KNDC1: variants seen among roughly 807,000 people sequenced by gnomAD.
KNDC1 encodes the protein kinase non-catalytic C-lobe domain-containing protein 1.
In KNDC1, 106 loss-of-function variants were observed where a neutral mutation model predicts 172.8. That is an observed-to-expected ratio of 0.61 (90% CI 0.52 to 0.72). The LOEUF is 0.72. Ranked by LOEUF, KNDC1 falls within the 30% of genes least tolerant of loss-of-function variation. KNDC1 has a pLI of 0.00. For synonymous variants in KNDC1, 1,083 were observed against 1,062.2 expected (o/e 1.02, Z -0.38); for missense variants, 2,325 against 2,394.5 (o/e 0.97, Z 0.61).
rs752807025 is a variant in KNDC1, at chr10:133,198,320, GCC to G, written c.1907-13_1907-12del. 1.4e-5 allele frequency: 21 copies of G among 1,551,350 alleles called. No individual in the cohort carries two copies. Among genetic ancestry groups the G allele is most frequent in the Non-Finnish European group, 1.8e-5 (21 of 1,149,362 alleles). ...GCCACTCCGCCCGCCCACACCCTCAGCCCCCTGGCTCCCCAGGCTTCCTGCCG... is the reference window on the plus strand; with the variant it reads ...GCCACTCCGCCCGCCCACACCCTCAGCCCTGGCTCCCCAGGCTTCCTGCCG... On this transcript the variant is annotated splice_polypyrimidine_tract_variant and intron_variant, in intron 12 of 29. Coordinates refer to ENST00000304613, the MANE Select transcript of KNDC1 (RefSeq NM_152643.8).
At chr10:133,165,516 A>G (rs1282831989) in intron 1 of KNDC1, among the ~76,000 whole-genome samples, 1 of 151,676 alleles carries the variant, frequency 6.6e-6, no homozygotes, top group Non-Finnish European at 1.5e-5. Flanking sequence ...CCTCATGCTG[A>G]CTCCCTTCCT....
chr10:133,212,512 C>T (rs1845389716), intron 23 of KNDC1, among the ~76,000 whole-genome samples: 1 of 152,236 alleles, frequency 6.6e-6, no homozygotes, highest in Non-Finnish European at 1.5e-5. Context: ...GCCCGTGGGG[C>T]ACCTGCTGAA....
At position 133,215,598 on chromosome 10, in the gene KNDC1, C is replaced by T. The variant is rs563972826; in HGVS notation, c.4677+1476C>T. ...TAAACCAGAGCCTTCACGCACGGCC[C>T]GTGTGGCCAGGCTTCATGAGGATGA... is the stretch of plus-strand genomic sequence containing the variant. On this transcript the variant is annotated intron_variant, in intron 26 of 29. Coordinates refer to ENST00000304613, the MANE Select transcript of KNDC1 (RefSeq NM_152643.8). 1.7e-4 allele frequency among the ~76,000 whole-genome samples: 26 copies of T among 152,378 alleles called. No homozygotes were observed. In the South Asian group the frequency reaches 4.3e-3, roughly 25 times the overall value.
intron 17 of KNDC1, chr10:133,202,777 T>C (rs1427418481): frequency 5.0e-6 from 2 of 400,626 alleles, no homozygotes; most frequent in African/African-American, 4.2e-5. Flanking sequence ...TGTGAAGCCT[T>C]CACTTCATTT....
intron 3 of KNDC1, among the ~76,000 whole-genome samples, chr10:133,181,691 T>C (rs1360201197): frequency 1.3e-5 from 2 of 152,092 alleles, no homozygotes; most frequent in East Asian, 3.9e-4. Context: ...GGAAGGAGAT[T>C]CACGCCATGA....
intron 20 of KNDC1, among the ~76,000 whole-genome samples, chr10:133,210,251 A>G (rs2136019107): frequency 6.7e-6 from 1 of 150,048 alleles, no homozygotes; most frequent in East Asian, 2.0e-4. Context: ...CGGGCATGGT[A>G]GGCGCCTGTA....
intron 3 of KNDC1, among the ~76,000 whole-genome samples, chr10:133,176,581 C>A (rs1313849481): frequency 6.6e-6 from 1 of 152,182 alleles, no homozygotes; most frequent in Non-Finnish European, 1.5e-5. Flanking sequence ...TTTGCCTCCA[C>A]ATCTTTGCCC....
intron 26 of KNDC1, 118 bp from the exon 27 acceptor site, chr10:133,218,713 C>T: frequency 7.5e-7 from 1 of 1,331,510 alleles, no homozygotes; most frequent in Non-Finnish European, 1.0e-6. Flanking sequence ...CCTTTCCACA[C>T]ACGTGATGCA....
At chr10:133,195,614 A>C (rs750579420) in intron 9 of KNDC1, 49 bp from the exon 10 acceptor site, 79 of 1,460,508 alleles carry the variant, frequency 5.4e-5, no homozygotes, top group Middle Eastern at 1.8e-4. Context: ...TGCTGGGCAC[A>C]GCAGCCCACA....
At chr10:133,195,048 G>A (rs115220230) in intron 9 of KNDC1, among the ~76,000 whole-genome samples, 1,907 of 152,314 alleles carry the variant, frequency 0.013, 50 homozygotes, top group African/African-American at 0.043. Context: ...AGCAGCACTC[G>A]TGTATTGTGG....
chr10:133,184,508 TATTC>T (rs1453094559), intron 5 of KNDC1, among the ~76,000 whole-genome samples: 4 of 152,188 alleles, frequency 2.6e-5, no homozygotes, highest in Non-Finnish European at 5.9e-5. Flanking sequence ...CGTACACACA[TATTC>T]ACTCTTGCTC....
At chr10:133,188,090 C>T (rs1016151178) in intron 6 of KNDC1, among the ~76,000 whole-genome samples, 5 of 152,170 alleles carry the variant, frequency 3.3e-5, no homozygotes, top group Admixed American at 2.0e-4. Context: ...ATCCCTGTCC[C>T]GAGGCCAAGC....
Position 133,186,087 on chromosome 10 carries a change from G to A in KNDC1, c.739G>A (p.Glu247Lys). Residue 247 changes from glutamate (E) to lysine (K), a missense_variant, in exon 6 of 30, where the codon GAG (glutamate) becomes AAG (lysine). Transcript: ENST00000304613. ...PEVLPTPEGP[E>K]SETSRGPRAS... ...GGTTCTGCCGACCCCCGAAGGCCCG[G>A]AGTCTGAGACGAGCCGGGGCCCCAG... 6.2e-7 allele frequency: 1 copy of A among 1,600,304 alleles called. No homozygotes were observed. The highest frequency in any genetic ancestry group is 8.5e-7 in the Non-Finnish European group (1 of 1,174,482).
chr10:133,198,936 G>T lies in KNDC1; in HGVS notation c.2428G>T (p.Gly810Cys), dbSNP rs758962112. The T allele has an allele frequency of 6.4e-7, 1 of 1,557,708 alleles. No homozygotes were observed. The highest frequency in any genetic ancestry group is 8.6e-7 in the Non-Finnish European group (1 of 1,156,612). Residue 810 changes from glycine (G) to cysteine (C), a missense_variant, in exon 14 of 30, where the codon GGC becomes TGC. Coordinates refer to ENST00000304613, the MANE Select transcript of KNDC1 (RefSeq NM_152643.8). ...EPIPPGVASG[G>C]LRPDALGPTT... is the part of the protein sequence containing the mutation. ...GATCCCACCTGGAGTTGCTTCCGGG[G>T]GCCTCAGGCCCGACGCCCTGGGGCC...
chr10:133,165,462 G>A (rs1853119847), intron 1 of KNDC1, among the ~76,000 whole-genome samples: 1 of 152,154 alleles, frequency 6.6e-6, no homozygotes, highest in Admixed American at 6.5e-5. Context: ...ACAGCCAGAG[G>A]CACCCCAGGG....
chr10:133,224,788 ACT>A lies in KNDC1; in HGVS notation c.5150_5151del (p.Leu1717ArgfsTer4). ...GCTTCAGCGGTGCCGACATTTCCAC[ACT>A]CGCCGCAGATAGCAGGGCCAACTTC... ...ARFSGADIST[L>X]AADSRANFHQ... On this transcript the variant is annotated frameshift_variant, in exon 30 of 30. Coordinates refer to ENST00000304613, the MANE Select transcript of KNDC1 (RefSeq NM_152643.8). LOFTEE classifies it high-confidence loss of function. This position sits in a 1 kb window ranked among gnomAD's most constrained non-coding sequence, Gnocchi z 5.4. 6.2e-7 allele frequency: 1 copy of A among 1,613,888 alleles called. No individual in the cohort carries two copies. Among genetic ancestry groups the A allele is most frequent in the African/African-American group, 1.3e-5 (1 of 74,980 alleles).
chr10:133,224,854 G>C lies in KNDC1; in HGVS notation c.5214G>C (p.Gln1738His). The C allele has an allele frequency of 1.2e-6, 2 of 1,613,978 alleles. No individual in the cohort carries two copies. Among genetic ancestry groups the C allele is most frequent in the East Asian group, 2.2e-5 (1 of 44,876 alleles). ...VSSEKHSRKI[Q>H]DKLRRMKATF... ...GCGAGAAGCACTCACGGAAGATTCA[G>C]GACAAGCTACGGAGGATGAAGGCTA... Residue 1738 changes from glutamine (Q) to histidine (H), a missense_variant, in exon 30 of 30, where the codon CAG becomes CAC. Physicochemically the swap from Gln to His is conservative, Grantham distance 24 (BLOSUM62 0). Transcript: ENST00000304613. This position sits in a 1 kb window ranked among gnomAD's most constrained non-coding sequence, Gnocchi z 5.4.
intron 5 of KNDC1, 41 bp downstream of exon 5, chr10:133,184,030 A>C: frequency 8.5e-7 from 1 of 1,179,888 alleles, no homozygotes; most frequent in Non-Finnish European, 1.2e-6. Context: ...TCATGCACAT[A>C]TACCTGTGTG....
chr10:133,160,990 G>T (rs1195149511), intron 1 of KNDC1, among the ~76,000 whole-genome samples: 1 of 151,982 alleles, frequency 6.6e-6, no homozygotes, highest in Non-Finnish European at 1.5e-5. Context: ...AGCGGGGGGT[G>T]GGGGGAGCGC....
Sources: allele counts gnomAD v4.1 joint callset (sites outside exome capture counted in the v4.1 genomes callset), GRCh38; gene constraint gnomAD v4.1.1; non-coding constraint Gnocchi (gnomAD v3.1); transcripts MANE v1.5; gene names NCBI Gene and HGNC (gene_info 2026-07-23, HGNC 2026-07-21).